Variants in CDH12 observed in about 807,000 individuals in gnomAD.
CDH12 encodes cadherin 12.
In CDH12, 41 loss-of-function variants were observed where a neutral mutation model predicts 74.1. That is an observed-to-expected ratio of 0.55 (90% CI 0.43 to 0.72). The LOEUF (loss-of-function observed/expected upper bound fraction) is 0.72. Among genes scored for constraint, CDH12 ranks in the 30% least tolerant of loss-of-function variants. The pLI, the probability that CDH12 is intolerant of heterozygous loss-of-function variation, is 0.00. For synonymous variants in CDH12, 399 were observed against 355.0 expected, an observed-to-expected ratio of 1.12 and a Z score of -1.39; for missense variants, 945 against 977.2, an observed-to-expected ratio of 0.97 and a Z score of 0.44.
intron 3 of CDH12, among the ~76,000 whole-genome samples, chr5:22,269,988 T>A (rs1736312295): frequency 6.6e-6 from 1 of 152,172 alleles, no homozygotes; most frequent in Non-Finnish European, 1.5e-5. Context: ...ATATGGATAA[T>A]TACATACATA....
intron 3 of CDH12, among the ~76,000 whole-genome samples, chr5:22,273,815 T>A (rs889316554): frequency 6.6e-6 from 1 of 152,146 alleles, no homozygotes; most frequent in Non-Finnish European, 1.5e-5. Flanking sequence ...CGCCTACTCA[T>A]GCATCTTTCT....
chr5:22,820,727 T>C (rs1749653599), intron 1 of CDH12, among the ~76,000 whole-genome samples: 1 of 152,126 alleles, frequency 6.6e-6, no homozygotes, highest in African/African-American at 2.4e-5. Context: ...GGCTCTGAAA[T>C]TGTGGCAATA....
chr5:22,763,770 A>T (rs1746353958), intron 1 of CDH12, among the ~76,000 whole-genome samples: 1 of 151,948 alleles, frequency 6.6e-6, no homozygotes, highest in South Asian at 2.1e-4. Context: ...CTAAGCACTG[A>T]GTGATCATTT....
At chr5:22,265,571 C>A (rs1753674861) in intron 3 of CDH12, among the ~76,000 whole-genome samples, 1 of 152,066 alleles carries the variant, frequency 6.6e-6, no homozygotes, top group African/African-American at 2.4e-5. Flanking sequence ...ATTGTTTTAA[C>A]AATAATCAAT....
chr5:21,980,417 A>G (rs1757260302), intron 5 of CDH12, among the ~76,000 whole-genome samples: 1 of 152,108 alleles, frequency 6.6e-6, no homozygotes, highest in Non-Finnish European at 1.5e-5. Context: ...ATTACAAAAC[A>G]TTTTTTAAGG....
intron 5 of CDH12, among the ~76,000 whole-genome samples, chr5:21,998,078 T>C (rs888215660): frequency 3.6e-4 from 55 of 152,208 alleles, no homozygotes; most frequent in Middle Eastern, 6.8e-3. Flanking sequence ...TATCTGTATG[T>C]GAAGGAGACA....
chr5:22,596,452 A>G (rs269886), intron 1 of CDH12, among the ~76,000 whole-genome samples: 74,094 of 152,032 alleles, frequency 0.49, 18,287 homozygotes, highest in Admixed American at 0.57. Flanking sequence ...AAAGAAAAAA[A>G]ATATATACAC....
intron 6 of CDH12, among the ~76,000 whole-genome samples, chr5:21,926,774 G>C (rs368988261): frequency 2.8e-4 from 43 of 152,306 alleles, no homozygotes; most frequent in African/African-American, 9.6e-4. Flanking sequence ...TCAGCTGTAG[G>C]AGCGGGAGTG....
intron 4 of CDH12, chr5:22,152,105 C>T (rs1258148285): frequency 6.6e-6 from 1 of 151,902 alleles, no homozygotes; most frequent in East Asian, 1.9e-4. Flanking sequence ...CCTCTATAGC[C>T]CATCCGTACT....
chr5:22,202,195 C>CTTCCTTCCTTCT (rs1750967432), intron 4 of CDH12, among the ~76,000 whole-genome samples: 2 of 121,750 alleles, frequency 1.6e-5, no homozygotes, highest in Admixed American at 1.0e-4. Flanking sequence ...TCCTTCCTTC[C>CTTCCTTCCTTCT]TTCCTTCTTT....
At chr5:22,638,245 G>T (rs547933312) in intron 1 of CDH12, among the ~76,000 whole-genome samples, 1 of 152,302 alleles carries the variant, frequency 6.6e-6, no homozygotes, top group African/African-American at 2.4e-5. Context: ...AGGCCAGTCT[G>T]CAAACTGAGG....
intron 1 of CDH12, among the ~76,000 whole-genome samples, chr5:22,638,020 A>G (rs1463387102): frequency 5.9e-5 from 9 of 152,320 alleles, no homozygotes; most frequent in African/African-American, 1.7e-4. Context: ...CACACACACA[A>G]TAACAATAAT....
At chr5:22,756,100 A>G (rs1280111546) in intron 1 of CDH12, among the ~76,000 whole-genome samples, 1 of 67,738 alleles carries the variant, frequency 1.5e-5, no homozygotes, top group African/African-American at 5.1e-5. Flanking sequence ...CAAGGACCGA[A>G]AAAAAAAAAA....
intron 6 of CDH12, among the ~76,000 whole-genome samples, chr5:21,860,996 T>G (rs1323027295): frequency 6.6e-6 from 1 of 152,068 alleles, no homozygotes; most frequent in Admixed American, 6.6e-5. Context: ...ACCACAATTC[T>G]ACTCACTGCT....
intron 6 of CDH12, among the ~76,000 whole-genome samples, 172 bp from the exon 7 acceptor site, chr5:21,854,962 G>T (rs777015317): frequency 6.6e-6 from 1 of 151,718 alleles, no homozygotes; most frequent in Admixed American, 6.6e-5. Flanking sequence ...GTTGAGCAAT[G>T]ATATAGTTAG....
At position 22,139,062 on chromosome 5, in the gene CDH12, T is replaced by C. The variant is rs62349114; in HGVS notation, c.-186-60200A>G. Reference sequence around the variant, plus strand: ...GATGTTTTGGAAAAATTTAGTACCATATAATTTTTCCCCAAATATTACCTT... The same window carrying C: ...GATGTTTTGGAAAAATTTAGTACCACATAATTTTTCCCCAAATATTACCTT... On this transcript the variant is annotated intron_variant, in intron 4 of 14. Transcript: ENST00000382254. Among the ~76,000 whole-genome samples, 60 of 150,956 alleles carry C rather than the reference T, an allele frequency of 4.0e-4. 1 individual carries two copies. Among genetic ancestry groups the C allele is most frequent in the Non-Finnish European group, 8.4e-4 (57 of 67,756 alleles).
At chr5:22,779,603 T>C (rs1747283443) in intron 1 of CDH12, among the ~76,000 whole-genome samples, 1 of 152,184 alleles carries the variant, frequency 6.6e-6, no homozygotes, top group Non-Finnish European at 1.5e-5. Context: ...TAGAGGTGAT[T>C]GGATCATGGA....
At chr5:22,611,811 C>A (rs1271740698) in intron 1 of CDH12, among the ~76,000 whole-genome samples, 2 of 152,084 alleles carry the variant, frequency 1.3e-5, no homozygotes, top group Non-Finnish European at 2.9e-5. Context: ...GCTCAGCCTT[C>A]AAGGGCAAAG....
chr5:22,564,345 C>T (rs1042915706), intron 1 of CDH12, among the ~76,000 whole-genome samples: 9 of 152,168 alleles, frequency 5.9e-5, no homozygotes, highest in African/African-American at 2.2e-4. Context: ...GGCCTTTGAT[C>T]AAGTGTATTT....
Sources: gnomAD v4.1 joint callset for allele counts (sites outside exome capture counted in the v4.1 genomes callset) on GRCh38, gnomAD v4.1.1 for gene constraint, MANE v1.5 for transcripts, NCBI Gene and HGNC (gene_info 2026-07-23, HGNC 2026-07-21) for gene names.